Variants in KCNT2 observed in about 807,000 individuals in gnomAD.
The protein encoded by KCNT2 is potassium sodium-activated channel subfamily T member 2, also known as potassium channel subfamily T member 2.
A neutral mutation model predicts 153.8 loss-of-function variants in KCNT2; 67 were observed. That is an observed-to-expected ratio of 0.44 (90% CI 0.36 to 0.53). KCNT2 has a LOEUF of 0.53. Ranked by LOEUF, KCNT2 falls within the 20% of genes least tolerant of loss-of-function variation. KCNT2 has a pLI of 0.00. For missense variants in KCNT2, 975 were observed against 1,354.8 expected (o/e 0.72, Z 4.40); for synonymous variants, 500 against 458.8 (o/e 1.09, Z -1.15).
intron 1 of KCNT2, among the ~76,000 whole-genome samples, chr1:196,570,067 TAAAAAAAAAAAAAA>T (rs199836975): frequency 3.7e-5 from 5 of 133,744 alleles, no homozygotes; most frequent in African/African-American, 1.8e-4. Flanking sequence ...TGAGCTAGAG[TAAAAAAAAAAAAAA>T]AAAAAAAAAA....
chr1:196,386,530 T>C (rs1288829224), intron 13 of KCNT2, among the ~76,000 whole-genome samples: 1 of 152,140 alleles, frequency 6.6e-6, no homozygotes, highest in African/African-American at 2.4e-5. Context: ...TTTTTCTTTC[T>C]ACCAAAGGGC....
intron 12 of KCNT2, among the ~76,000 whole-genome samples, chr1:196,401,916 T>C (rs945126564): frequency 6.6e-6 from 1 of 151,058 alleles, no homozygotes; most frequent in Non-Finnish European, 1.5e-5. Context: ...AAAACAAAAA[T>C]AAAGACAAAA....
intron 14 of KCNT2, among the ~76,000 whole-genome samples, chr1:196,364,113 G>A (rs1470841613): frequency 1.3e-5 from 2 of 151,890 alleles, no homozygotes; most frequent in Admixed American, 6.6e-5. Context: ...ATTCAAATAA[G>A]GCCTATAATT....
At chr1:196,263,164 T>C (rs1657179861) in intron 25 of KCNT2, among the ~76,000 whole-genome samples, 1 of 151,996 alleles carries the variant, frequency 6.6e-6, no homozygotes, top group Non-Finnish European at 1.5e-5. Context: ...CAGTTCCACC[T>C]ATATATAATT....
At chr1:196,453,752 A>G (rs1379397308) in intron 8 of KCNT2, among the ~76,000 whole-genome samples, 2 of 151,942 alleles carry the variant, frequency 1.3e-5, no homozygotes, top group Admixed American at 6.6e-5. Context: ...TTACCTCCCT[A>G]TCTTTCCCTA....
chr1:196,472,284 T>C (rs1391490327), intron 5 of KCNT2, among the ~76,000 whole-genome samples: 1 of 152,214 alleles, frequency 6.6e-6, no homozygotes, highest in Non-Finnish European at 1.5e-5. Flanking sequence ...TTTCTTTCCA[T>C]TGGATCCAAA....
chr1:196,281,367 A>G (rs895095384), intron 24 of KCNT2, among the ~76,000 whole-genome samples: 2 of 152,214 alleles, frequency 1.3e-5, no homozygotes, highest in Non-Finnish European at 2.9e-5. Context: ...TGGGAAATGT[A>G]AAGCATATGG....
intron 25 of KCNT2, among the ~76,000 whole-genome samples, chr1:196,278,444 C>G (rs1362590383): frequency 6.6e-6 from 1 of 151,986 alleles, no homozygotes; most frequent in Non-Finnish European, 1.5e-5. Context: ...AAAACAGTGT[C>G]CTTTTATCAT....
chr1:196,594,277 T>G (rs1020524579), intron 1 of KCNT2, among the ~76,000 whole-genome samples: 3 of 152,178 alleles, frequency 2.0e-5, no homozygotes, highest in African/African-American at 7.2e-5. Flanking sequence ...TTGTGAATAT[T>G]AAATTAGATG....
intron 8 of KCNT2, among the ~76,000 whole-genome samples, chr1:196,446,270 T>A (rs950217819): frequency 6.6e-6 from 1 of 151,516 alleles, no homozygotes; most frequent in African/African-American, 2.4e-5. Flanking sequence ...TACTATTCTC[T>A]ATACTTTTTC....
At chr1:196,234,496 C>G (rs1394739406) in intron 27 of KCNT2, among the ~76,000 whole-genome samples, 2 of 151,230 alleles carry the variant, frequency 1.3e-5, no homozygotes, top group African/African-American at 4.8e-5. Context: ...TATCTTGATG[C>G]TATGACAGAT....
At chr1:196,607,979 A>G (rs1474622428) in intron 1 of KCNT2, among the ~76,000 whole-genome samples, 1 of 152,238 alleles carries the variant, frequency 6.6e-6, no homozygotes, top group Non-Finnish European at 1.5e-5. Context: ...AATGAATGCA[A>G]TAAATACCTT....
intron 1 of KCNT2, among the ~76,000 whole-genome samples, chr1:196,511,276 T>C (rs1681607527): frequency 6.6e-6 from 1 of 152,110 alleles, no homozygotes; most frequent in Non-Finnish European, 1.5e-5. Context: ...CCCGGTGCTA[T>C]CTGTCAATTT....
intron 1 of KCNT2, among the ~76,000 whole-genome samples, chr1:196,588,800 C>T (rs906887058): frequency 2.0e-5 from 3 of 151,648 alleles, no homozygotes; most frequent in Non-Finnish European, 4.4e-5. Context: ...TGTATAGGAA[C>T]GAAATCTTAT....
At chr1:196,312,927 C>G (rs1303156772) in intron 21 of KCNT2, among the ~76,000 whole-genome samples, 1 of 151,644 alleles carries the variant, frequency 6.6e-6, no homozygotes, top group Admixed American at 6.6e-5. Flanking sequence ...TGGATCCTAC[C>G]TCTGGAATGT....
intron 16 of KCNT2, among the ~76,000 whole-genome samples, chr1:196,336,076 A>G (rs1363509063): frequency 1.3e-5 from 2 of 152,106 alleles, no homozygotes; most frequent in Non-Finnish European, 2.9e-5. Context: ...ATCTATACCT[A>G]TGCAACTGAA....
chr1:196,441,084 G>A (rs1389331118), intron 8 of KCNT2, among the ~76,000 whole-genome samples: 6 of 151,762 alleles, frequency 4.0e-5, no homozygotes, highest in Non-Finnish European at 8.8e-5. Flanking sequence ...AATTGAGCAT[G>A]CCATATGGAA....
At chr1:196,399,138 G>C (rs917016546) in intron 12 of KCNT2, among the ~76,000 whole-genome samples, 3 of 149,076 alleles carry the variant, frequency 2.0e-5, no homozygotes, top group African/African-American at 7.4e-5. Flanking sequence ...TGTGTGGTAT[G>C]TTTGAAGACA....
At chr1:196,385,685 T>C (rs1165252507) in intron 13 of KCNT2, among the ~76,000 whole-genome samples, 1 of 151,670 alleles carries the variant, frequency 6.6e-6, no homozygotes, top group Non-Finnish European at 1.5e-5. Context: ...ACCACATATC[T>C]CTTAAAAGCA....
Sources: allele counts gnomAD v4.1 joint callset (sites outside exome capture counted in the v4.1 genomes callset), GRCh38; gene constraint gnomAD v4.1.1; transcripts MANE v1.5; gene names NCBI Gene and HGNC (gene_info 2026-07-23, HGNC 2026-07-21).